CNTN5: variants seen among roughly 807,000 people sequenced by gnomAD.
The protein encoded by CNTN5 is contactin-5.
A neutral mutation model predicts 129.1 loss-of-function variants in CNTN5; 77 were observed. That is an observed-to-expected ratio of 0.60 (90% CI 0.50 to 0.72). The LOEUF (loss-of-function observed/expected upper bound fraction) is 0.72, where lower values mean the gene tolerates loss of function less well. Ranked by LOEUF, CNTN5 falls within the 30% of genes least tolerant of loss-of-function variation. CNTN5 has a pLI of 0.00. For synonymous variants in CNTN5, 509 were observed against 465.6 expected, an observed-to-expected ratio of 1.09 and a Z score of -1.20; for missense variants, 1,478 against 1,328.8, an observed-to-expected ratio of 1.11 and a Z score of -1.75.
intron 8 of CNTN5, among the ~76,000 whole-genome samples, chr11:99,967,423 C>G (rs1257800964): frequency 6.6e-6 from 1 of 152,082 alleles, no homozygotes; most frequent in Admixed American, 6.6e-5. Context: ...ACGTAACTAT[C>G]CTTGTGTAGC....
At chr11:99,718,715 A>T (rs1188029297) in intron 3 of CNTN5, among the ~76,000 whole-genome samples, 3 of 152,180 alleles carry the variant, frequency 2.0e-5, no homozygotes, top group African/African-American at 7.2e-5. Context: ...AAAAAATTTT[A>T]GTCTCTATTT....
rs561926659 is a variant in CNTN5, at chr11:100,133,119, A to G, written c.1581-58007A>G. 2.6e-5 allele frequency among the ~76,000 whole-genome samples: 4 copies of G among 152,304 alleles called. No homozygotes were observed. In the East Asian group the frequency reaches 7.7e-4, roughly 29 times the overall value. On this transcript the variant is annotated intron_variant, in intron 13 of 24. Coordinates refer to ENST00000524871, the MANE Select transcript of CNTN5 (RefSeq NM_014361.4). Reference sequence around the variant, plus strand: ...TGGTAATTTTCTCAAAAATGACCACATAGATCAAAAGAAATTATATACACT... The same window carrying G: ...TGGTAATTTTCTCAAAAATGACCACGTAGATCAAAAGAAATTATATACACT...
rs947336092 is a variant in CNTN5 at position 99,350,275 on chromosome 11, G to C, written c.-71+24791G>C. On this transcript the variant is annotated intron_variant, in intron 2 of 24. Coordinates refer to ENST00000524871, the MANE Select transcript of CNTN5 (RefSeq NM_014361.4). ...ACGGAATGCCTAAAATACACCACCT[G>C]AATGCCTAAAATTTTTTTAAAGAAT... is the stretch of plus-strand genomic sequence containing the variant. Among the ~76,000 whole-genome samples the C allele has an allele frequency of 2.6e-5, 4 of 152,030 alleles. No individual in the cohort carries two copies. In the East Asian group the frequency reaches 7.7e-4, roughly 29 times the overall value.
intron 13 of CNTN5, among the ~76,000 whole-genome samples, chr11:100,109,417 C>T (rs950339139): frequency 6.6e-6 from 1 of 152,152 alleles, no homozygotes; most frequent in Admixed American, 6.5e-5. Flanking sequence ...CAGAGCAAGA[C>T]TTCATCTAAA....
rs1386649822 is a variant in CNTN5, at chr11:100,045,732, AAAG to A, written c.981-15478_981-15476del. Among the ~76,000 whole-genome samples, 81 of 151,940 alleles carry A rather than the reference AAAG, an allele frequency of 5.3e-4. 1 individual carries two copies. The highest frequency in any genetic ancestry group is 1.2e-3 in the African/African-American group (49 of 41,510). The stretch of plus-strand genomic sequence containing the variant: ...GTACATTTATTATTAAAAAAAAAAA[AAAG>A]AGTTCTGCTAGAAATCTACTAGAGA... On this transcript the variant is annotated intron_variant, in intron 9 of 24. Coordinates refer to ENST00000524871, the MANE Select transcript of CNTN5 (RefSeq NM_014361.4).
At chr11:100,326,316 A>T (rs1226471595) in intron 21 of CNTN5, among the ~76,000 whole-genome samples, 2 of 152,206 alleles carry the variant, frequency 1.3e-5, no homozygotes, top group Non-Finnish European at 2.9e-5. Context: ...AATAACAGAA[A>T]AAAAGTGAAC....
intron 3 of CNTN5, among the ~76,000 whole-genome samples, chr11:99,710,990 A>G (rs1954962231): frequency 6.6e-6 from 1 of 151,962 alleles, no homozygotes; most frequent in South Asian, 2.1e-4. Context: ...TTTAGTATTA[A>G]TGTGTCCCAC....
rs1952373724 is a variant in CNTN5, at chr11:100,350,128, T to C, written c.3031-574T>C. Among the ~76,000 whole-genome samples, 3 of 152,020 alleles carry C rather than the reference T, an allele frequency of 2.0e-5. No individual in the cohort carries two copies. The South Asian group carries it at 6.2e-4, about 32-fold the overall frequency. On this transcript the variant is annotated intron_variant, in intron 23 of 24. Transcript: ENST00000524871. ...AGCAAAAATTAAAAAAATAAAATTT[T>C]CACTTTCAACTGTTTCCTACATTGT...
chr11:100,304,652 G>A (rs1318244456), intron 20 of CNTN5, among the ~76,000 whole-genome samples: 3 of 151,542 alleles, frequency 2.0e-5, no homozygotes, highest in Non-Finnish European at 4.4e-5. Flanking sequence ...AGGGGAAAGA[G>A]AGAAATAGAA....
intron 2 of CNTN5, among the ~76,000 whole-genome samples, chr11:99,370,181 G>T (rs1238067925): frequency 6.6e-6 from 1 of 152,178 alleles, no homozygotes; most frequent in Non-Finnish European, 1.5e-5. Context: ...AGTCAGGAAA[G>T]CTTAGCTCTG....
intron 1 of CNTN5, among the ~76,000 whole-genome samples, chr11:99,129,962 A>G (rs1304272502): frequency 6.6e-6 from 1 of 152,230 alleles, no homozygotes; most frequent in Non-Finnish European, 1.5e-5. Flanking sequence ...TTCTGAAGAA[A>G]GCACTAAGCA....
At chr11:99,324,912 A>G (rs1044689409) in intron 1 of CNTN5, among the ~76,000 whole-genome samples, 42 of 152,174 alleles carry the variant, frequency 2.8e-4, no homozygotes, top group African/African-American at 1.0e-3. Context: ...AAGTGCCTGG[A>G]TTACAGGTGT....
At chr11:99,480,248 C>T (rs186392153) in intron 2 of CNTN5, among the ~76,000 whole-genome samples, 88 of 152,220 alleles carry the variant, frequency 5.8e-4, no homozygotes, top group African/African-American at 1.9e-3. Context: ...CTTCTCCATG[C>T]CTTTCCTATG....
intron 13 of CNTN5, among the ~76,000 whole-genome samples, chr11:100,158,448 A>AAAGT (rs1947329857): frequency 6.6e-6 from 1 of 151,938 alleles, no homozygotes; most frequent in Admixed American, 6.6e-5. Context: ...TACATATATC[A>AAAGT]AAACTTCATG....
intron 3 of CNTN5, among the ~76,000 whole-genome samples, chr11:99,696,116 A>G (rs536091384): frequency 7.2e-5 from 11 of 152,230 alleles, no homozygotes; most frequent in South Asian, 4.1e-4. Flanking sequence ...ATAAGGGTCT[A>G]TAAAAGAGGG....
intron 13 of CNTN5, among the ~76,000 whole-genome samples, chr11:100,118,036 T>G (rs1663343227): frequency 6.6e-6 from 1 of 151,756 alleles, no homozygotes; most frequent in Non-Finnish European, 1.5e-5. Flanking sequence ...CAGTTGTTTT[T>G]TTTTTCCCTT....
chr11:99,742,233 A>T (rs184423432), intron 3 of CNTN5, among the ~76,000 whole-genome samples: 1 of 152,276 alleles, frequency 6.6e-6, no homozygotes, highest in African/African-American at 2.4e-5. Flanking sequence ...TTTAAATTCT[A>T]AGTTCACTGA....
chr11:99,687,608 T>C (rs1038846103), intron 3 of CNTN5, among the ~76,000 whole-genome samples: 1 of 152,152 alleles, frequency 6.6e-6, no homozygotes, highest in Non-Finnish European at 1.5e-5. Context: ...TCAAGTTACA[T>C]AGTAGTTACT....
chr11:99,840,715 C>G (rs188221229), intron 4 of CNTN5, among the ~76,000 whole-genome samples: 11 of 152,140 alleles, frequency 7.2e-5, no homozygotes, highest in South Asian at 2.1e-4. Flanking sequence ...ACAAATGTGT[C>G]GAAGGCTTCT....
Sources: gnomAD v4.1 joint callset for allele counts (sites outside exome capture counted in the v4.1 genomes callset) on GRCh38, gnomAD v4.1.1 for gene constraint, MANE v1.5 for transcripts, NCBI Gene and HGNC (gene_info 2026-07-23, HGNC 2026-07-21) for gene names.